PCCB: variants seen among roughly 807,000 people sequenced by gnomAD.
PCCB encodes the protein propionyl-CoA carboxylase subunit beta.
Under a neutral mutation model 60.7 loss-of-function variants are expected in PCCB, and 43 were observed. The ratio of observed to expected loss-of-function variants is 0.71; its 90% CI spans 0.55 to 0.91. The LOEUF (loss-of-function observed/expected upper bound fraction) is 0.91. Ranked by LOEUF, PCCB falls within the 40% of genes least tolerant of loss-of-function variation. The pLI, the probability that PCCB is intolerant of heterozygous loss-of-function variation, is 0.00. For missense variants in PCCB, 766 were observed against 702.8 expected (o/e 1.09, Z -1.02); for synonymous variants, 276 against 255.9 (o/e 1.08, Z -0.75).
At chr3:136,277,628 A>AT (rs528665146) in intron 5 of PCCB, among the ~76,000 whole-genome samples, 79 of 152,142 alleles carry the variant, frequency 5.2e-4, no homozygotes, top group African/African-American at 1.8e-3. Flanking sequence ...TTCTCAGGTC[A>AT]TTAGGGTAAT....
At chr3:136,314,390 C>T (rs959381249) in intron 9 of PCCB, among the ~76,000 whole-genome samples, 3 of 152,060 alleles carry the variant, frequency 2.0e-5, no homozygotes, top group African/African-American at 7.2e-5. Flanking sequence ...AAAACTCACC[C>T]TTTGGGCTGG....
chr3:136,309,673 A>C (rs1347536871), intron 9 of PCCB, among the ~76,000 whole-genome samples: 1 of 151,982 alleles, frequency 6.6e-6, no homozygotes, highest in Non-Finnish European at 1.5e-5. Context: ...GGTGGCATGC[A>C]CCTATAGTCC....
At chr3:136,260,054 C>CT (rs912493653) in intron 3 of PCCB, 6 of 259,862 alleles carry the variant, frequency 2.3e-5, no homozygotes, top group South Asian at 8.7e-5. Context: ...GCCCGGGCAA[C>CT]TTTTTTTGTT....
intron 1 of PCCB, among the ~76,000 whole-genome samples, chr3:136,251,725 T>C (rs1332528557): frequency 6.6e-6 from 1 of 152,146 alleles, no homozygotes; most frequent in African/African-American, 2.4e-5. Context: ...ACTCTTTCTG[T>C]TGGGGCCTAT....
chr3:136,270,215 C>A (rs1942157424), intron 5 of PCCB, among the ~76,000 whole-genome samples: 1 of 152,020 alleles, frequency 6.6e-6, no homozygotes, highest in Non-Finnish European at 1.5e-5. Flanking sequence ...TGTGATAAAT[C>A]CTACTTGGTC....
chr3:136,315,936 A>G (rs1934875798), intron 9 of PCCB, among the ~76,000 whole-genome samples: 1 of 149,458 alleles, frequency 6.7e-6, no homozygotes, highest in Non-Finnish European at 1.5e-5. Context: ...AGAGAGAGTG[A>G]TGGTCGGGCA....
rs116443932 is a variant in PCCB at position 136,252,908 on chromosome 3, G to T, written c.183+2350G>T. 2.5e-3 allele frequency among the ~76,000 whole-genome samples: 324 copies of T among 127,764 alleles called. 1 individual carries two copies. Among genetic ancestry groups the T allele is most frequent in the South Asian group, 7.8e-3 (31 of 3,968 alleles). 83.8% of individuals were successfully genotyped at this position (127,764 alleles called of 152,430 possible). A position where few individuals can be genotyped will look rare whatever the true frequency, so the allele number is the denominator to read the frequency against. On this transcript the variant is annotated intron_variant, in intron 1 of 14. Transcript: ENST00000251654. Reference sequence around the variant, plus strand: ...TATAGGATTGCCTGTTTTTTGTTTTGTTTTTTTTTTTTTAAATGCAACCTC... The same window carrying T: ...TATAGGATTGCCTGTTTTTTGTTTTTTTTTTTTTTTTTTAAATGCAACCTC...
intron 9 of PCCB, among the ~76,000 whole-genome samples, chr3:136,301,642 A>C (rs1048219849): frequency 3.9e-5 from 6 of 151,948 alleles, no homozygotes; most frequent in African/African-American, 1.2e-4. Context: ...GCATCTGTAG[A>C]TGGCCAATGC....
chr3:136,327,397 C>T (rs1348644696), intron 12 of PCCB, 142 bp downstream of exon 12: 7 of 760,442 alleles, frequency 9.2e-6, no homozygotes, highest in Non-Finnish European at 1.6e-5. Flanking sequence ...ATGTTGTTCC[C>T]AGCCCCGCAG....
In PCCB at chr3:136,297,937, T is replaced by C. The variant is rs1340889421; in HGVS notation, c.764-15T>C. The C allele has an allele frequency of 6.2e-7, 1 of 1,613,922 alleles. No individual in the cohort carries two copies. Among genetic ancestry groups the C allele is most frequent in the Non-Finnish European group, 8.5e-7 (1 of 1,179,924 alleles). ...GGTACCCTGACTCAATCATATATGCTCCCTGTTCTCTTAGGTGTGGCCCAC... is the reference window on the plus strand; with the variant it reads ...GGTACCCTGACTCAATCATATATGCCCCCTGTTCTCTTAGGTGTGGCCCAC... On this transcript the variant is annotated splice_polypyrimidine_tract_variant and intron_variant, in intron 7 of 14. Transcript: ENST00000251654.
At chr3:136,291,820 G>A (rs1395196583) in intron 6 of PCCB, among the ~76,000 whole-genome samples, 2 of 152,134 alleles carry the variant, frequency 1.3e-5, no homozygotes, top group Non-Finnish European at 2.9e-5. Flanking sequence ...GAAGCATGAG[G>A]GAGTTTTCTC....
intron 10 of PCCB, among the ~76,000 whole-genome samples, chr3:136,320,692 A>G (rs942335928): frequency 2.0e-5 from 3 of 152,246 alleles, no homozygotes; most frequent in Non-Finnish European, 4.4e-5. Flanking sequence ...TGTGAATATT[A>G]TGAAAGTTGA....
intron 10 of PCCB, among the ~76,000 whole-genome samples, chr3:136,317,748 T>G (rs1230859575): frequency 6.6e-6 from 1 of 152,112 alleles, no homozygotes; most frequent in Non-Finnish European, 1.5e-5. Context: ...TCCAGTGCCT[T>G]CAACAGTGCC....
intron 3 of PCCB, chr3:136,259,359 G>A (rs1482306614): frequency 1.1e-5 from 4 of 378,476 alleles, no homozygotes; most frequent in Non-Finnish European, 1.4e-5. Flanking sequence ...CAGCTACTCG[G>A]GAGGCTGAGG....
At chr3:136,299,448 ATG>A (rs1239521602) in intron 8 of PCCB, among the ~76,000 whole-genome samples, 2 of 151,870 alleles carry the variant, frequency 1.3e-5, no homozygotes, top group Non-Finnish European at 2.9e-5. Flanking sequence ...ATATATGCAT[ATG>A]TATGCATGTG....
intron 7 of PCCB, among the ~76,000 whole-genome samples, chr3:136,297,619 G>T (rs149231814): frequency 6.6e-6 from 1 of 152,164 alleles, no homozygotes; most frequent in Admixed American, 6.5e-5. Flanking sequence ...AGAAAAGTAC[G>T]GGAGGAGAAC....
At chr3:136,262,370 T>A (rs200425234) in intron 5 of PCCB, among the ~76,000 whole-genome samples, 1 of 152,164 alleles carries the variant, frequency 6.6e-6, no homozygotes, top group East Asian at 1.9e-4. Flanking sequence ...AGAGGAAATA[T>A]GAAAAGTTAA....
Position 136,281,194 on chromosome 3 carries a change from C to T in PCCB, c.544-2643C>T, listed in dbSNP as rs560200454. ...TCATCAAATGTGGGAAGTTTTCAGT[C>T]ATTATTTCTTCAAATCTTTGACCCT... On this transcript the variant is annotated intron_variant, in intron 5 of 14. Transcript: ENST00000251654. 7.9e-5 allele frequency among the ~76,000 whole-genome samples: 12 copies of T among 151,904 alleles called. No homozygotes were observed. In the South Asian group the frequency reaches 2.3e-3, roughly 29 times the overall value.
intron 5 of PCCB, among the ~76,000 whole-genome samples, chr3:136,268,067 T>TGTGC (rs1942057736): frequency 8.8e-6 from 1 of 114,162 alleles, no homozygotes; most frequent in Admixed American, 1.0e-4. Context: ...TGTGTGTGCG[T>TGTGC]GTGTGTGTGT....
Sources: gnomAD v4.1 joint callset for allele counts (sites outside exome capture counted in the v4.1 genomes callset) on GRCh38, gnomAD v4.1.1 for gene constraint, MANE v1.5 for transcripts, NCBI Gene and HGNC (gene_info 2026-07-23, HGNC 2026-07-21) for gene names.